UGT1A8: variants seen among roughly 807,000 people sequenced by gnomAD.
The protein encoded by UGT1A8 is UDP-glucuronosyltransferase 1A8.
UGT1A8 carries 39 observed loss-of-function variants against 45.3 expected under a neutral mutation model. That is an observed-to-expected ratio of 0.86 (90% CI 0.67 to 1.12). The LOEUF (loss-of-function observed/expected upper bound fraction) is 1.12. UGT1A8 is among the 50% of genes most tolerant of loss of function. The pLI, the probability that UGT1A8 is intolerant of heterozygous loss-of-function variation, is 0.00. For synonymous variants in UGT1A8, 275 were observed against 249.2 expected (o/e 1.10, Z -0.97); for missense variants, 719 against 664.9 (o/e 1.08, Z -0.90).
intron 1 of UGT1A8, among the ~76,000 whole-genome samples, chr2:233,709,100 G>T (rs905561167): frequency 6.6e-6 from 1 of 152,072 alleles, no homozygotes; most frequent in African/African-American, 2.4e-5. Flanking sequence ...GAAGTCACAT[G>T]CCCATCTCTG....
In UGT1A8 at chr2:233,617,745, G is replaced by C; in HGVS notation, c.38G>C (p.Cys13Ser). 1 of 1,614,042 alleles carries C rather than the reference G, an allele frequency of 6.2e-7. No individual in the cohort carries two copies. The change falls in exon 1 of 5, where the codon TGT becomes TCT. Residue 13 changes from cysteine to serine, a missense_variant. Transcript: ENST00000373450. ...GGGTGGACCAGCCCCATTCCCCTATGTGTTTCTCTGCTGCTGACCTGTGGC... is the reference window on the plus strand; with the variant it reads ...GGGTGGACCAGCCCCATTCCCCTATCTGTTTCTCTGCTGCTGACCTGTGGC... ...RTGWTSPIPL[C>S]VSLLLTCGFA...
At chr2:233,653,006 G>A (rs768465175) in intron 1 of UGT1A8, among the ~76,000 whole-genome samples, 9 of 152,122 alleles carry the variant, frequency 5.9e-5, no homozygotes, top group African/African-American at 2.2e-4. Flanking sequence ...GGACACTATC[G>A]AGAGAGTGAA....
chr2:233,647,286 T>G (rs2073630593), intron 1 of UGT1A8, among the ~76,000 whole-genome samples: 1 of 152,234 alleles, frequency 6.6e-6, no homozygotes, highest in Non-Finnish European at 1.5e-5. Flanking sequence ...TTATTGAATT[T>G]GATTTGCTGA....
At chr2:233,704,049 C>A (rs2075765509) in intron 1 of UGT1A8, among the ~76,000 whole-genome samples, 1 of 151,982 alleles carries the variant, frequency 6.6e-6, no homozygotes, top group African/African-American at 2.4e-5. Context: ...CACCAACATG[C>A]CTGGCTAATT....
Position 233,767,538 on chromosome 2 carries a change from C to A in UGT1A8, c.988-311C>A, listed in dbSNP as rs1409490941. 5.3e-5 allele frequency among the ~76,000 whole-genome samples: 8 copies of A among 152,212 alleles called. No homozygotes were observed. The East Asian group carries it at 1.5e-3, about 29-fold the overall frequency. On this transcript the variant is annotated intron_variant, in intron 2 of 4. Transcript: ENST00000373450. ...ACTGAATTTATGTCTTACATTTCTGCTCTTATAGTTCTGCATCCACTTGTT... is the reference window on the plus strand; with the variant it reads ...ACTGAATTTATGTCTTACATTTCTGATCTTATAGTTCTGCATCCACTTGTT...
chr2:233,635,682 A>G (rs974139026), intron 1 of UGT1A8, among the ~76,000 whole-genome samples: 1 of 150,834 alleles, frequency 6.6e-6, no homozygotes, highest in Admixed American at 6.6e-5. Context: ...AGATGGCATC[A>G]CCTCTGACTT....
intron 1 of UGT1A8, among the ~76,000 whole-genome samples, chr2:233,732,918 G>C (rs1288769205): frequency 6.6e-6 from 1 of 151,996 alleles, no homozygotes; most frequent in Non-Finnish European, 1.5e-5. Flanking sequence ...CCATTTTCAC[G>C]ATATTGATTC....
At chr2:233,673,297 C>G (rs770924092) in intron 1 of UGT1A8, among the ~76,000 whole-genome samples, 2 of 152,038 alleles carry the variant, frequency 1.3e-5, no homozygotes, top group African/African-American at 2.4e-5. Flanking sequence ...CTTTATAGAC[C>G]AATACAGACA....
At chr2:233,716,161 G>A (rs1487983369) in intron 1 of UGT1A8, among the ~76,000 whole-genome samples, 1 of 152,116 alleles carries the variant, frequency 6.6e-6, no homozygotes, top group Non-Finnish European at 1.5e-5. Context: ...CCATGGAGAT[G>A]CAGTGCAGCA....
intron 1 of UGT1A8, among the ~76,000 whole-genome samples, chr2:233,731,393 G>C (rs558248956): frequency 2.0e-5 from 3 of 151,372 alleles, no homozygotes; most frequent in Admixed American, 1.3e-4. Flanking sequence ...CCACCAACTC[G>C]TCATTTACAT....
In UGT1A8 at chr2:233,755,161, CG is replaced by C. The variant is rs146856809; in HGVS notation, c.856-11869del. The stretch of plus-strand genomic sequence containing the variant: ...CTTCTCACCGCTTCCTCCCTGTCCT[CG>C]GGGTTTTTGTCGGGGTGCCACTTGA... On this transcript the variant is annotated intron_variant, in intron 1 of 4. Transcript: ENST00000373450. 2.3e-3 allele frequency: 2,947 copies of C among 1,292,234 alleles called. 56 individuals carry two copies. The African/African-American group carries it at 0.041, about 18-fold the overall frequency. The allele number at this position is 1,292,234 out of a possible 1,614,324, so 80.0% of individuals were successfully genotyped here.
At chr2:233,723,515 T>C (rs1475684057) in intron 1 of UGT1A8, among the ~76,000 whole-genome samples, 1,226 of 106,738 alleles carry the variant, frequency 0.011, 61 homozygotes, top group African/African-American at 0.052. Flanking sequence ...TGGTCAACAA[T>C]CTTTTTTTTT....
At chr2:233,732,140 G>A (rs1172524883) in intron 1 of UGT1A8, among the ~76,000 whole-genome samples, 1 of 135,546 alleles carries the variant, frequency 7.4e-6, no homozygotes, top group African/African-American at 2.8e-5. Flanking sequence ...TTGTTTGTTT[G>A]TTTTTTTTCT....
At chr2:233,671,155 G>A (rs1346642215) in intron 1 of UGT1A8, among the ~76,000 whole-genome samples, 1 of 152,248 alleles carries the variant, frequency 6.6e-6, no homozygotes, top group Non-Finnish European at 1.5e-5. Context: ...CTGAAGGAGG[G>A]CACTGGAGTG....
intron 1 of UGT1A8, chr2:233,693,561 CA>C: frequency 6.2e-7 from 1 of 1,614,208 alleles, no homozygotes; most frequent in African/African-American, 1.3e-5. Context: ...AGCAGAAGCC[CA>C]GACCCTGTGT....
chr2:233,738,651 A>G (rs1690862678), intron 1 of UGT1A8, among the ~76,000 whole-genome samples: 1 of 152,234 alleles, frequency 6.6e-6, no homozygotes, highest in Non-Finnish European at 1.5e-5. Context: ...GCTCTTTGGA[A>G]CTACGAACTT....
intron 1 of UGT1A8, among the ~76,000 whole-genome samples, chr2:233,766,257 AGTGGCCCGGGCTCG>A (rs36213637): frequency 0.33 from 50,708 of 151,412 alleles, 8,925 homozygotes; most frequent in African/African-American, 0.42. Context: ...CAGACCGCTC[AGTGGCCCGGGCTCG>A]GTGGCCCGGG....
chr2:233,739,050 C>G (rs958760691), intron 1 of UGT1A8: 3 of 152,246 alleles, frequency 2.0e-5, no homozygotes, highest in African/African-American at 7.2e-5. Flanking sequence ...AGAGCTCAGG[C>G]CATTGCTTCA....
chr2:233,618,548 A>T lies in UGT1A8; in HGVS notation c.841A>T (p.Lys281Ter). Residue 281 changes from lysine to a stop codon, truncating the protein, a stop_gained, in exon 1 of 5, where the codon AAG becomes TAG. Transcript: ENST00000373450. LOFTEE classifies it high-confidence loss of function. ...FIGGINCHQG[K>*]PLPMEFEAYI... Reference sequence around the variant, plus strand: ...TGGTGGTATCAACTGCCATCAGGGAAAGCCATTGCCTATGGTAAGTCACCT... The same window carrying T: ...TGGTGGTATCAACTGCCATCAGGGATAGCCATTGCCTATGGTAAGTCACCT... 1 of 1,613,716 alleles carries T rather than the reference A, an allele frequency of 6.2e-7. No individual in the cohort carries two copies. The highest frequency in any genetic ancestry group is 8.5e-7 in the Non-Finnish European group (1 of 1,179,682).
Sources: gnomAD v4.1 joint callset for allele counts (sites outside exome capture counted in the v4.1 genomes callset) on GRCh38, gnomAD v4.1.1 for gene constraint, MANE v1.5 for transcripts, NCBI Gene and HGNC (gene_info 2026-07-23, HGNC 2026-07-21) for gene names.